SV2C: variants seen among roughly 807,000 people sequenced by gnomAD.
SV2C encodes the protein solute carrier family 22 member B3.
Under a neutral mutation model 79.7 loss-of-function variants are expected in SV2C, and 49 were observed. That is an observed-to-expected ratio of 0.61 (90% confidence interval 0.49 to 0.78). The LOEUF is 0.78. Ranked by LOEUF, SV2C falls within the 30% of genes least tolerant of loss-of-function variation. The pLI is 0.00. For synonymous variants in SV2C, 334 were observed against 333.2 expected (o/e 1.00, Z -0.03); for missense variants, 833 against 912.9 (o/e 0.91, Z 1.13).
chr5:76,248,716 C>A (rs1746023018), intron 4 of SV2C, among the ~76,000 whole-genome samples: 1 of 151,486 alleles, frequency 6.6e-6, no homozygotes, highest in Non-Finnish European at 1.5e-5. Flanking sequence ...CCTCCTGAGT[C>A]CAAGTCATCC....
At chr5:76,080,363 G>T (rs964183427), upstream of SV2C, among the ~76,000 whole-genome samples, 1 of 152,114 alleles carries the variant, frequency 6.6e-6, no homozygotes, top group Non-Finnish European at 1.5e-5. Flanking sequence ...AGAGCTGTGT[G>T]GACTTGGTCC....
chr5:76,239,587 G>A (rs1745719027), intron 4 of SV2C, among the ~76,000 whole-genome samples: 1 of 152,118 alleles, frequency 6.6e-6, no homozygotes, highest in Non-Finnish European at 1.5e-5. Flanking sequence ...CCACTTACAA[G>A]GGGGCTTACT....
the SV2C span, among the ~76,000 whole-genome samples, chr5:75,976,350 T>C: frequency 1.8e-3 from 267 of 152,308 alleles, 2 homozygotes; most frequent in Middle Eastern, 3.4e-3. Flanking sequence ...AGATCATTTA[T>C]GGAGTACAGA....
intron 12 of SV2C, among the ~76,000 whole-genome samples, chr5:76,349,943 T>A (rs1416766805): frequency 3.3e-5 from 5 of 152,172 alleles, no homozygotes; most frequent in African/African-American, 7.2e-5. Context: ...CAAGTACAAG[T>A]AAGACAGTTT....
At chr5:76,222,430 T>A (rs1431663135) in intron 4 of SV2C, among the ~76,000 whole-genome samples, 2 of 151,372 alleles carry the variant, frequency 1.3e-5, no homozygotes, top group East Asian at 3.9e-4. Context: ...AACATGTTAA[T>A]TATTGGCAGA....
chr5:75,886,203 A>G, the SV2C span, among the ~76,000 whole-genome samples: 2 of 152,182 alleles, frequency 1.3e-5, no homozygotes, highest in Admixed American at 6.5e-5. Context: ...CATCATTCCT[A>G]TGAGTACAGA....
downstream of SV2C, among the ~76,000 whole-genome samples, chr5:76,338,951 C>T (rs932667799): frequency 1.2e-4 from 19 of 152,092 alleles, no homozygotes; most frequent in African/African-American, 4.3e-4. Context: ...CCACCGCTCC[C>T]GGCTTACAGT....
Position 76,162,558 on chromosome 5 carries a change from A to G in SV2C, c.580+30228A>G, listed in dbSNP as rs946259020. On this transcript the variant is annotated intron_variant, in intron 2 of 12. Coordinates refer to ENST00000502798, the MANE Select transcript of SV2C (RefSeq NM_014979.4). ...AGGATTGTACCAGATGCTTCCTGAC[A>G]GTCTTATCACCTCCAACCTCTGTGA... 3.9e-5 allele frequency among the ~76,000 whole-genome samples: 6 copies of G among 152,332 alleles called. No individual in the cohort carries two copies. In the East Asian group the frequency reaches 1.2e-3, roughly 29 times the overall value.
At chr5:76,211,121 G>T (rs964077958) in intron 4 of SV2C, among the ~76,000 whole-genome samples, 1 of 152,062 alleles carries the variant, frequency 6.6e-6, no homozygotes, top group African/African-American at 2.4e-5. Context: ...ACTCTTGTGG[G>T]CTCAGTCCAA....
intron 1 of SV2C, among the ~76,000 whole-genome samples, chr5:76,101,034 C>T (rs1172500156): frequency 6.6e-6 from 1 of 152,144 alleles, no homozygotes; most frequent in African/African-American, 2.4e-5. Flanking sequence ...GACATTCTCC[C>T]TAAAGTGCAG....
At chr5:76,065,758 A>C in the SV2C span, among the ~76,000 whole-genome samples, 1 of 152,208 alleles carries the variant, frequency 6.6e-6, no homozygotes, top group South Asian at 2.1e-4. Flanking sequence ...ATATTTTATC[A>C]AACAGGTACA....
the SV2C span, among the ~76,000 whole-genome samples, chr5:76,065,338 C>A: frequency 6.6e-6 from 1 of 152,130 alleles, no homozygotes; most frequent in African/African-American, 2.4e-5. Flanking sequence ...CATCGTGCAT[C>A]AATACCTCGA....
chr5:76,099,910 T>A (rs2112115533), intron 1 of SV2C, among the ~76,000 whole-genome samples: 1 of 152,342 alleles, frequency 6.6e-6, no homozygotes. Flanking sequence ...TCAGAAGTGG[T>A]AACACTGAGA....
At chr5:76,099,365 C>CGTGTGT (rs10582798) in intron 1 of SV2C, among the ~76,000 whole-genome samples, 22,675 of 148,472 alleles carry the variant, frequency 0.15, 2,066 homozygotes, top group South Asian at 0.32. Flanking sequence ...TTCTTTTGCT[C>CGTGTGT]GTGTGTGTGT....
At chr5:76,349,415 G>T (rs1749606175) in intron 12 of SV2C, among the ~76,000 whole-genome samples, 1 of 151,784 alleles carries the variant, frequency 6.6e-6, no homozygotes, top group African/African-American at 2.4e-5. Context: ...AGGAGGCTGA[G>T]GCAGGAGAAT....
the SV2C span, among the ~76,000 whole-genome samples, chr5:75,958,391 C>T: frequency 6.6e-6 from 1 of 151,890 alleles, no homozygotes; most frequent in Non-Finnish European, 1.5e-5. Flanking sequence ...TATGAAGTTC[C>T]CTAAATGTGG....
chr5:76,336,070 CCCGGACGGGGCGG>C (rs1391951689), downstream of SV2C, among the ~76,000 whole-genome samples: 24 of 66,124 alleles, frequency 3.6e-4, no homozygotes, highest in Non-Finnish European at 7.9e-4. Flanking sequence ...CCACCTCCCT[CCCGGACGGGGCGG>C]CTGGCCGGGC....
intron 1 of SV2C, among the ~76,000 whole-genome samples, chr5:76,099,661 T>A (rs1226438912): frequency 6.6e-6 from 1 of 152,164 alleles, no homozygotes; most frequent in Non-Finnish European, 1.5e-5. Flanking sequence ...CAACATAACA[T>A]CTTCTCAGGC....
chr5:76,154,839 AC>A (rs1358639447), intron 2 of SV2C, among the ~76,000 whole-genome samples: 7 of 152,240 alleles, frequency 4.6e-5, no homozygotes, highest in Non-Finnish European at 1.0e-4. Flanking sequence ...AACCACAGGA[AC>A]AATCTGTGAT....
Sources: allele counts gnomAD v4.1 joint callset (sites outside exome capture counted in the v4.1 genomes callset), GRCh38; gene constraint gnomAD v4.1.1; transcripts MANE v1.5; gene names NCBI Gene and HGNC (gene_info 2026-07-23, HGNC 2026-07-21).